Variants in HS6ST3 observed in about 807,000 individuals in gnomAD.
HS6ST3 encodes heparan-sulfate 6-O-sulfotransferase 3.
Under a neutral mutation model 36.7 loss-of-function variants are expected in HS6ST3, and 12 were observed. The observed-to-expected ratio is 0.33, with a 90% confidence interval of 0.21 to 0.53. The LOEUF (loss-of-function observed/expected upper bound fraction) is 0.53, where lower values mean the gene tolerates loss of function less well. Ranked by LOEUF, HS6ST3 falls within the 20% of genes least tolerant of loss-of-function variation. The probability of loss-of-function intolerance (pLI) is 0.95; values close to 1 mark genes in which losing one functional copy is unlikely to be tolerated. For missense variants in HS6ST3, 584 were observed against 640.9 expected, an observed-to-expected ratio of 0.91 and a Z score of 0.96; for synonymous variants, 240 against 257.5, an observed-to-expected ratio of 0.93 and a Z score of 0.65.
At chr13:96,375,001 T>G (rs1438962505) in intron 1 of HS6ST3, among the ~76,000 whole-genome samples, 1 of 152,134 alleles carries the variant, frequency 6.6e-6, no homozygotes, top group African/African-American at 2.4e-5. Flanking sequence ...CCTGCACACC[T>G]GTTTAACCAT....
At chr13:96,725,587 A>T (rs1875982463) in intron 1 of HS6ST3, among the ~76,000 whole-genome samples, 1 of 151,942 alleles carries the variant, frequency 6.6e-6, no homozygotes, top group Admixed American at 6.6e-5. Context: ...TTACTTATTT[A>T]TGTAGTATTT....
intron 1 of HS6ST3, among the ~76,000 whole-genome samples, chr13:96,235,762 T>A (rs1423604324): frequency 6.6e-6 from 1 of 152,196 alleles, no homozygotes; most frequent in African/African-American, 2.4e-5. Flanking sequence ...TAGCTCCTGA[T>A]GCCAAAGTCT....
chr13:96,814,101 T>G (rs1450921493), intron 1 of HS6ST3, among the ~76,000 whole-genome samples: 1 of 152,174 alleles, frequency 6.6e-6, no homozygotes, highest in Non-Finnish European at 1.5e-5. Context: ...ATCTGAATTG[T>G]CATCCTTGTA....
intron 1 of HS6ST3, among the ~76,000 whole-genome samples, chr13:96,831,971 A>AG: frequency 6.7e-6 from 1 of 148,280 alleles, no homozygotes; most frequent in African/African-American, 2.5e-5. Context: ...AAAAAAAAAA[A>AG]AAAAAAAAAC....
chr13:96,529,590 C>G (rs1316709376), intron 1 of HS6ST3, among the ~76,000 whole-genome samples: 1 of 151,998 alleles, frequency 6.6e-6, no homozygotes, highest in Non-Finnish European at 1.5e-5. Context: ...ATTTGGTTAT[C>G]TTTTTATTAT....
chr13:96,547,877 C>CT (rs902038825), intron 1 of HS6ST3, among the ~76,000 whole-genome samples: 18 of 146,630 alleles, frequency 1.2e-4, no homozygotes, highest in South Asian at 8.7e-4. Context: ...GCCCGATAAT[C>CT]TTTTTTTTTT....
intron 1 of HS6ST3, among the ~76,000 whole-genome samples, chr13:96,278,685 A>T (rs918415977): frequency 6.6e-6 from 1 of 152,196 alleles, no homozygotes; most frequent in Admixed American, 6.6e-5. Context: ...CTTATAATTA[A>T]TCAGGTGTGA....
At chr13:96,144,634 TTTAA>T (rs928286343) in intron 1 of HS6ST3, among the ~76,000 whole-genome samples, 1 of 151,630 alleles carries the variant, frequency 6.6e-6, no homozygotes, top group South Asian at 2.1e-4. Flanking sequence ...TTTTATTTTA[TTTAA>T]TTAATTTTTA....
intron 1 of HS6ST3, among the ~76,000 whole-genome samples, chr13:96,758,852 C>CAACAA (rs2138498279): frequency 6.6e-6 from 1 of 151,964 alleles, no homozygotes; most frequent in African/African-American, 2.4e-5. Flanking sequence ...ATGTAGCATT[C>CAACAA]TATAAATATC....
At chr13:96,094,992 G>A (rs1365209816) in intron 1 of HS6ST3, among the ~76,000 whole-genome samples, 1 of 151,950 alleles carries the variant, frequency 6.6e-6, no homozygotes, top group Admixed American at 6.5e-5. Flanking sequence ...CTCCTTTTTA[G>A]CATTCTTGAG....
At chr13:96,634,876 CA>C (rs1394178419) in intron 1 of HS6ST3, among the ~76,000 whole-genome samples, 5 of 16,910 alleles carry the variant, frequency 3.0e-4, no homozygotes, top group Non-Finnish European at 7.0e-4. Context: ...TCTACTCCTA[CA>C]AGTTTGAGTC....
intron 1 of HS6ST3, among the ~76,000 whole-genome samples, chr13:96,711,393 A>C (rs527805802): frequency 6.8e-4 from 104 of 152,382 alleles, no homozygotes; most frequent in African/African-American, 2.4e-3. Context: ...TTTATTTATA[A>C]AGTAATACTG....
At chr13:96,408,173 G>T (rs7982068) in intron 1 of HS6ST3, among the ~76,000 whole-genome samples, 8 of 151,940 alleles carry the variant, frequency 5.3e-5, no homozygotes, top group South Asian at 4.2e-4. Context: ...CTCTTGACCT[G>T]GTGATCTGCC....
chr13:96,179,884 C>T (rs1436157492), intron 1 of HS6ST3, among the ~76,000 whole-genome samples: 1 of 152,086 alleles, frequency 6.6e-6, no homozygotes, highest in African/African-American at 2.4e-5. Flanking sequence ...GGCTAGAGTG[C>T]AGTGGCAGGA....
At chr13:96,468,672 C>G (rs1364166547) in intron 1 of HS6ST3, among the ~76,000 whole-genome samples, 1 of 152,180 alleles carries the variant, frequency 6.6e-6, no homozygotes, top group Non-Finnish European at 1.5e-5. Context: ...ATGTTATCAT[C>G]ATAAACAACA....
chr13:96,744,799 G>A (rs923887718), intron 1 of HS6ST3, among the ~76,000 whole-genome samples: 8 of 152,150 alleles, frequency 5.3e-5, no homozygotes, highest in Non-Finnish European at 1.0e-4. Flanking sequence ...CAAATCTATC[G>A]CTTGTGTATT....
chr13:96,736,038 A>G (rs1377173104), intron 1 of HS6ST3, among the ~76,000 whole-genome samples: 1 of 152,138 alleles, frequency 6.6e-6, no homozygotes, highest in Admixed American at 6.6e-5. Context: ...CAACACACAG[A>G]GGGGAACAGC....
At chr13:96,367,953 T>C (rs9556578) in intron 1 of HS6ST3, among the ~76,000 whole-genome samples, 16,964 of 152,194 alleles carry the variant, frequency 0.11, 1,076 homozygotes, top group Middle Eastern at 0.18. Flanking sequence ...ACTCATTTCA[T>C]GATGTTTATG....
At chr13:96,339,665 C>T (rs373921111) in intron 1 of HS6ST3, among the ~76,000 whole-genome samples, 2 of 152,300 alleles carry the variant, frequency 1.3e-5, no homozygotes, top group South Asian at 2.1e-4. Flanking sequence ...GTTCTTCAGC[C>T]AGTGGATTAT....
Sources: allele counts gnomAD v4.1 joint callset (sites outside exome capture counted in the v4.1 genomes callset), GRCh38; gene constraint gnomAD v4.1.1; transcripts MANE v1.5; gene names NCBI Gene and HGNC (gene_info 2026-07-23, HGNC 2026-07-21).